Variants in PACS1 observed in about 807,000 individuals in gnomAD.
The protein encoded by PACS1 is phosphofurin acidic cluster sorting protein 1, also known as PACS-1.
In PACS1, 24 loss-of-function variants were observed where a neutral mutation model predicts 115.0. That is an observed-to-expected ratio of 0.21 (90% CI 0.15 to 0.29). PACS1 has a LOEUF of 0.29. Ranked by LOEUF, PACS1 falls within the 10% of genes least tolerant of loss-of-function variation. PACS1 has a pLI of 1.00. For synonymous variants in PACS1, 453 were observed against 504.5 expected, an observed-to-expected ratio of 0.90 and a Z score of 1.37; for missense variants, 838 against 1,251.2, an observed-to-expected ratio of 0.67 and a Z score of 4.98.
chr11:66,157,240 C>A (rs1859383251), intron 1 of PACS1, among the ~76,000 whole-genome samples: 1 of 152,158 alleles, frequency 6.6e-6, no homozygotes, highest in African/African-American at 2.4e-5. Flanking sequence ...AAAAAAGTTA[C>A]AAATCTATAA....
intron 1 of PACS1, among the ~76,000 whole-genome samples, chr11:66,078,712 C>T (rs1185205907): frequency 6.6e-6 from 1 of 152,138 alleles, no homozygotes; most frequent in Non-Finnish European, 1.5e-5. Context: ...TGCCAACATG[C>T]CCTGCTAACT....
chr11:66,073,025 G>T (rs1182330236), intron 1 of PACS1, among the ~76,000 whole-genome samples: 1 of 152,240 alleles, frequency 6.6e-6, no homozygotes, highest in Non-Finnish European at 1.5e-5. Flanking sequence ...TGCTGTGAGA[G>T]GCTTAGGCGG....
At chr11:66,137,022 G>GCCC (rs10719542) in intron 1 of PACS1, among the ~76,000 whole-genome samples, 14 of 132,304 alleles carry the variant, frequency 1.1e-4, no homozygotes, top group East Asian at 6.7e-4. Flanking sequence ...GTCACAAATT[G>GCCC]CCCCCCCCCC....
chr11:66,138,394 A>G (rs994649621), intron 1 of PACS1, among the ~76,000 whole-genome samples: 1 of 152,102 alleles, frequency 6.6e-6, no homozygotes, highest in Non-Finnish European at 1.5e-5. Context: ...TGCATTTTTA[A>G]TAAGTCCCCA....
At chr11:66,096,463 CT>C (rs890998293) in intron 1 of PACS1, among the ~76,000 whole-genome samples, 1 of 150,110 alleles carries the variant, frequency 6.7e-6, no homozygotes, top group Non-Finnish European at 1.5e-5. Context: ...CATATAGGTT[CT>C]TTACAGCTTT....
At chr11:66,112,478 A>G (rs888116950) in intron 1 of PACS1, among the ~76,000 whole-genome samples, 1 of 152,286 alleles carries the variant, frequency 6.6e-6, no homozygotes, top group South Asian at 2.1e-4. Flanking sequence ...AGTTAGTCAC[A>G]TGCCTCTCGT....
intron 1 of PACS1, among the ~76,000 whole-genome samples, chr11:66,078,729 T>G (rs547892): frequency 0.014 from 2,084 of 152,262 alleles, 40 homozygotes; most frequent in African/African-American, 0.047. Flanking sequence ...AACTTTTTAA[T>G]TTTTTGCAGA....
rs1241927110 is a variant in PACS1 at position 66,095,349 on chromosome 11, T to A, written c.356+24507T>A. ...AAGCTGATAAGCAACTTCAGCAAAG[T>A]CTCAGGATACAAAATCAATGTACAA... On this transcript the variant is annotated intron_variant, in intron 1 of 23. Coordinates refer to ENST00000320580, the MANE Select transcript of PACS1 (RefSeq NM_018026.4). Among the ~76,000 whole-genome samples the A allele has an allele frequency of 4.6e-5, 7 of 152,094 alleles. No homozygotes were observed. In the East Asian group the frequency reaches 1.4e-3, roughly 29 times the overall value.
intron 1 of PACS1, among the ~76,000 whole-genome samples, chr11:66,179,457 G>C (rs749981815): frequency 1.3e-5 from 2 of 152,150 alleles, no homozygotes; most frequent in South Asian, 4.1e-4. Flanking sequence ...GATTACAGAC[G>C]TGAGCCACTG....
At chr11:66,224,676 C>A (rs1855436782) in intron 10 of PACS1, among the ~76,000 whole-genome samples, 1 of 152,094 alleles carries the variant, frequency 6.6e-6, no homozygotes. Context: ...TTTTGAAGAG[C>A]CCCATATGTC....
At position 66,244,590 on chromosome 11, in the gene PACS1, A is replaced by G. The variant is rs1855883885; in HGVS notation, c.*1310A>G. On this transcript the variant is annotated 3_prime_UTR_variant, in exon 24 of 24. Coordinates refer to ENST00000320580, the MANE Select transcript of PACS1 (RefSeq NM_018026.4). ...ACTTCATTTTGAAAGTGTTTTTCTC[A>G]TTCTCCATACCTCCCCCAAGCTCTC... The G allele has an allele frequency of 1.3e-5, 2 of 152,220 alleles. No individual in the cohort carries two copies. Among genetic ancestry groups the G allele is most frequent in the Admixed American group, 6.5e-5 (1 of 15,280 alleles). 9.4% of individuals were successfully genotyped at this position (152,220 alleles called of 1,614,324 possible).
At chr11:66,186,137 C>T (rs542006554) in intron 1 of PACS1, among the ~76,000 whole-genome samples, 5 of 151,886 alleles carry the variant, frequency 3.3e-5, no homozygotes, top group South Asian at 2.1e-4. Flanking sequence ...TAGCTGGGTG[C>T]GGTAGAATGC....
intron 1 of PACS1, among the ~76,000 whole-genome samples, chr11:66,178,442 C>T (rs540688873): frequency 3.9e-4 from 60 of 152,200 alleles, no homozygotes; most frequent in African/African-American, 1.3e-3. Flanking sequence ...CATGTGCATG[C>T]GTGTGTGATA....
intron 1 of PACS1, among the ~76,000 whole-genome samples, chr11:66,184,568 A>G (rs993435125): frequency 1.3e-5 from 2 of 152,240 alleles, no homozygotes; most frequent in African/African-American, 2.4e-5. Context: ...GTTATCAAGT[A>G]GACAGCCTTA....
rs1028876640 is a variant in PACS1, at chr11:66,233,279, G to A, written c.1838+213G>A. Among the ~76,000 whole-genome samples, 1 of 152,112 alleles carries A rather than the reference G, an allele frequency of 6.6e-6. No homozygotes were observed. Among genetic ancestry groups the A allele is most frequent in the Non-Finnish European group, 1.5e-5 (1 of 68,022 alleles). ...CGGGGGTGGAAATATCAATTCCTGTGCTCCCTGCCTCCCTGCCTGGACCCC... is the reference window on the plus strand; with the variant it reads ...CGGGGGTGGAAATATCAATTCCTGTACTCCCTGCCTCCCTGCCTGGACCCC... On this transcript the variant is annotated intron_variant, in intron 15 of 23. Coordinates refer to ENST00000320580, the MANE Select transcript of PACS1 (RefSeq NM_018026.4). This position sits in a 1 kb window ranked among gnomAD's most constrained non-coding sequence, Gnocchi z 4.5.
intron 7 of PACS1, chr11:66,217,697 G>A (rs512421): frequency 0.24 from 104,108 of 441,332 alleles, 12,871 homozygotes; most frequent in African/African-American, 0.31. Context: ...TTGTCCTCAG[G>A]TATCCACCTC....
intron 1 of PACS1, among the ~76,000 whole-genome samples, chr11:66,141,172 T>C (rs1858973773): frequency 6.6e-6 from 1 of 152,250 alleles, no homozygotes; most frequent in African/African-American, 2.4e-5. Context: ...CTTGAACTTT[T>C]TGTATGTTTA....
At chr11:66,212,644 C>G (rs1473976937) in intron 4 of PACS1, among the ~76,000 whole-genome samples, 1 of 151,912 alleles carries the variant, frequency 6.6e-6, no homozygotes, top group Non-Finnish European at 1.5e-5. Context: ...GCATTTTGTA[C>G]TTACTGGAAA....
chr11:66,171,719 A>G (rs962843893), intron 1 of PACS1, among the ~76,000 whole-genome samples: 2 of 149,830 alleles, frequency 1.3e-5, no homozygotes, highest in African/African-American at 5.1e-5. Flanking sequence ...AGCTGGGACT[A>G]TAGGCGCCCA....
Sources: gnomAD v4.1 joint callset for allele counts (sites outside exome capture counted in the v4.1 genomes callset) on GRCh38, gnomAD v4.1.1 for gene constraint, Gnocchi (gnomAD v3.1) non-coding constraint, MANE v1.5 for transcripts, NCBI Gene and HGNC (gene_info 2026-07-23, HGNC 2026-07-21) for gene names.